The following DCAF10 variants were observed in gnomAD, a reference collection of about 807,000 sequenced individuals.
The protein encoded by DCAF10 is DDB1 and CUL4 associated factor 10, also known as DDB1- and CUL4-associated factor 10.
In DCAF10, 19 loss-of-function variants were observed where a neutral mutation model predicts 51.9. That is an observed-to-expected ratio of 0.37 (90% CI 0.26 to 0.54). The LOEUF is 0.54. DCAF10 is among the 20% of genes least tolerant of loss of function. The pLI, the probability that DCAF10 is intolerant of heterozygous loss-of-function variation, is 0.87. For synonymous variants in DCAF10, 291 were observed against 297.1 expected (o/e 0.98, Z 0.21); for missense variants, 510 against 730.6 (o/e 0.70, Z 3.48).
intron 2 of DCAF10, among the ~76,000 whole-genome samples, chr9:37,827,361 ACAAG>A (rs1220099395): frequency 6.6e-6 from 1 of 152,152 alleles, no homozygotes; most frequent in African/African-American, 2.4e-5. Flanking sequence ...GGTCTCAAAA[ACAAG>A]CAAGCAAACA....
At chr9:37,838,214 G>T (rs531922251) in intron 2 of DCAF10, among the ~76,000 whole-genome samples, 1 of 152,060 alleles carries the variant, frequency 6.6e-6, no homozygotes, top group Non-Finnish European at 1.5e-5. Flanking sequence ...GAACAGCAAA[G>T]AAATATATTT....
intron 1 of DCAF10, among the ~76,000 whole-genome samples, chr9:37,811,758 T>C (rs556130564): frequency 6.6e-6 from 1 of 152,206 alleles, no homozygotes; most frequent in Non-Finnish European, 1.5e-5. Context: ...CTTATAAATA[T>C]AAATGGAGTT....
rs1353109982 is a variant in DCAF10 at position 37,801,050 on chromosome 9, C to T, written c.184C>T (p.Leu62=). Residue 62 remains leucine, a synonymous_variant, in exon 1 of 7, where the codon CTG becomes TTG. Transcript: ENST00000377724. This position sits in a 1 kb window ranked among gnomAD's most constrained non-coding sequence, Gnocchi z 5.5. ...RSPRRPGAPS[L]SPAPRSGELG... ...CCCTCGCCGCCCCGGCGCCCCATCG[C>T]TGTCCCCGGCCCCGCGCTCCGGAGA... 6.5e-7 allele frequency: 1 copy of T among 1,535,996 alleles called. No individual in the cohort carries two copies. Among genetic ancestry groups the T allele is most frequent in the Non-Finnish European group, 8.7e-7 (1 of 1,150,320 alleles).
chr9:37,850,823 A>ATTTT (rs779412631), intron 3 of DCAF10, among the ~76,000 whole-genome samples: 1 of 60,584 alleles, frequency 1.7e-5, no homozygotes, highest in Non-Finnish European at 3.4e-5. Context: ...GTGAGGATAT[A>ATTTT]TTTTATATAT....
rs753753478 is a variant in DCAF10 at position 37,866,409 on chromosome 9, G to A, written c.*4901G>A. The A allele has an allele frequency of 6.6e-6, 1 of 152,406 alleles. No individual in the cohort carries two copies. The highest frequency in any genetic ancestry group is 1.5e-5 in the Non-Finnish European group (1 of 68,028). The allele number at this position is 152,406 out of a possible 1,614,324, so 9.4% of individuals were successfully genotyped here. ...GGCTATAACAAATATGTTATAAAGTGATTCTCTCAGCCCTGAGGTATACAG... is the reference window on the plus strand; with the variant it reads ...GGCTATAACAAATATGTTATAAAGTAATTCTCTCAGCCCTGAGGTATACAG... On this transcript the variant is annotated 3_prime_UTR_variant, in exon 7 of 7. Transcript: ENST00000377724.
In DCAF10 at chr9:37,801,156, G is replaced by T. The variant is rs1828922042; in HGVS notation, c.290G>T (p.Arg97Leu). The T allele has an allele frequency of 6.5e-7, 1 of 1,536,900 alleles. No homozygotes were observed. The highest frequency in any genetic ancestry group is 8.7e-7 in the Non-Finnish European group (1 of 1,143,726). ...EPSPPSPPCR[R>L]PGPDCRAKSR... ...TCACCTCCCTCCCCTCCGTGCCGGC[G>T]GCCCGGGCCAGACTGCAGGGCCAAG... Residue 97 changes from arginine (R) to leucine (L), a missense_variant, in exon 1 of 7, where the codon CGG becomes CTG. Physicochemically the swap from Arg to Leu is moderately radical, Grantham distance 102. This residue lies in a region of DCAF10 where 251 missense variants were observed against 227.9 expected (regional missense o/e 1.10). Coordinates refer to ENST00000377724, the MANE Select transcript of DCAF10 (RefSeq NM_024345.5). This position sits in a 1 kb window ranked among gnomAD's most constrained non-coding sequence, Gnocchi z 5.5.
At chr9:37,834,848 G>T (rs1421562846) in intron 2 of DCAF10, among the ~76,000 whole-genome samples, 1 of 151,390 alleles carries the variant, frequency 6.6e-6, no homozygotes, top group African/African-American at 2.4e-5. Context: ...GAGTGCAGTG[G>T]TGCTATCTCG....
chr9:37,860,085 T>C lies in DCAF10; in HGVS notation c.1203T>C (p.Pro401=). The C allele has an allele frequency of 6.2e-7, 1 of 1,614,156 alleles. No homozygotes were observed. Among genetic ancestry groups the C allele is most frequent in the Non-Finnish European group, 8.5e-7 (1 of 1,179,990 alleles). ...SPRNSLEVVT[P]EVLGESDHGN... is the part of the protein sequence containing the mutation. ...GAAATAGTCTTGAAGTCGTAACCCCTGAAGTTCTTGGTGAGAGTGACCACG... is the reference window on the plus strand; with the variant it reads ...GAAATAGTCTTGAAGTCGTAACCCCCGAAGTTCTTGGTGAGAGTGACCACG... The change falls in exon 6 of 7, where the codon CCT becomes CCC. Residue 401 remains proline, a synonymous_variant. Transcript: ENST00000377724.
chr9:37,801,413 C>G lies in DCAF10; in HGVS notation c.539+8C>G. 1 of 1,458,196 alleles carries G rather than the reference C, an allele frequency of 6.9e-7. No individual in the cohort carries two copies. The highest frequency in any genetic ancestry group is 9.1e-7 in the Non-Finnish European group (1 of 1,102,286). The allele number at this position is 1,458,196 out of a possible 1,614,324, so 90.3% of individuals were successfully genotyped here. ...CGAGTACTCGCCCGACGGGTAAGCG[C>G]GGCCCCTCGGAGGGCGGGCGCCCGC... On this transcript the variant is annotated splice_region_variant and intron_variant, in intron 1 of 6. Transcript: ENST00000377724. The surrounding 1 kb of genome is among the most constrained non-coding windows in gnomAD (Gnocchi z 5.5).
At chr9:37,808,334 G>A (rs555839629) in intron 1 of DCAF10, among the ~76,000 whole-genome samples, 5 of 150,656 alleles carry the variant, frequency 3.3e-5, no homozygotes, top group East Asian at 1.9e-4. Context: ...CTTGAACCCC[G>A]GAAGCAGAGG....
chr9:37,800,973 C>T lies in DCAF10; in HGVS notation c.107C>T (p.Ser36Leu). Residue 36 changes from serine (S) to leucine (L), a missense_variant, in exon 1 of 7, where the codon TCG (serine) becomes TTG (leucine). Around this residue, in one of 4 missense-constraint regions of DCAF10, gnomAD observed 251 missense variants for 227.9 expected, o/e 1.10. Coordinates refer to ENST00000377724, the MANE Select transcript of DCAF10 (RefSeq NM_024345.5). ...EGQAAATGPP[S>L]PLHPGADATH... ...CAGGCAGCAGCCACCGGGCCGCCCT[C>T]GCCACTACATCCCGGGGCTGATGCG... is the stretch of plus-strand genomic sequence containing the variant. The T allele has an allele frequency of 1.3e-6, 2 of 1,519,566 alleles. No individual in the cohort carries two copies. Among genetic ancestry groups the T allele is most frequent in the Non-Finnish European group, 1.8e-6 (2 of 1,142,616 alleles). The allele number at this position is 1,519,566 out of a possible 1,614,324, so 94.1% of individuals were successfully genotyped here. A position where few individuals can be genotyped will look rare whatever the true frequency, so the allele number is the denominator to read the frequency against.
intron 1 of DCAF10, among the ~76,000 whole-genome samples, chr9:37,808,363 G>A (rs903138800): frequency 4.7e-5 from 7 of 149,112 alleles, no homozygotes; most frequent in East Asian, 2.0e-4. Flanking sequence ...AGCCAAAATC[G>A]CGCCACTGCA....
chr9:37,846,053 A>C (rs1830463201), intron 3 of DCAF10, among the ~76,000 whole-genome samples: 1 of 152,200 alleles, frequency 6.6e-6, no homozygotes, highest in Non-Finnish European at 1.5e-5. Flanking sequence ...AACTTAACAA[A>C]GATAATATTA....
chr9:37,840,539 T>G (rs12347332), intron 2 of DCAF10, among the ~76,000 whole-genome samples: 1 of 152,100 alleles, frequency 6.6e-6, no homozygotes, highest in Non-Finnish European at 1.5e-5. Context: ...AAAGAAAATA[T>G]TTTTGTACAG....
chr9:37,858,724 C>T (rs1187959031), intron 5 of DCAF10, among the ~76,000 whole-genome samples: 1 of 152,204 alleles, frequency 6.6e-6, no homozygotes, highest in Non-Finnish European at 1.5e-5. Context: ...AGTATGTTAA[C>T]ACTATCCTTT....
At chr9:37,824,467 C>G (rs1442156451) in intron 2 of DCAF10, among the ~76,000 whole-genome samples, 1 of 148,956 alleles carries the variant, frequency 6.7e-6, no homozygotes, top group Admixed American at 6.7e-5. Flanking sequence ...AATGGAAATA[C>G]AAACCATTAT....
At chr9:37,843,233 T>G (rs1830385543) in intron 3 of DCAF10, among the ~76,000 whole-genome samples, 1 of 152,012 alleles carries the variant, frequency 6.6e-6, no homozygotes. Context: ...CCCAGGCTGG[T>G]CTTGAACTCC....
intron 2 of DCAF10, among the ~76,000 whole-genome samples, chr9:37,834,524 C>T (rs2117971010): frequency 6.6e-6 from 1 of 152,216 alleles, no homozygotes; most frequent in South Asian, 2.1e-4. Flanking sequence ...AGTCTGGAAA[C>T]CTAGCCAGTT....
chr9:37,852,644 C>G (rs1183035540), intron 3 of DCAF10, among the ~76,000 whole-genome samples: 3 of 151,924 alleles, frequency 2.0e-5, no homozygotes, highest in Non-Finnish European at 4.4e-5. Flanking sequence ...GGCATGGTGG[C>G]TCACGCCTAT....
Sources: allele counts gnomAD v4.1 joint callset (sites outside exome capture counted in the v4.1 genomes callset), GRCh38; gene constraint gnomAD v4.1.1; regional missense constraint gnomAD v4.1.1; non-coding constraint Gnocchi (gnomAD v3.1); transcripts MANE v1.5; gene names NCBI Gene and HGNC (gene_info 2026-07-23, HGNC 2026-07-21).